Variants in DIP2C observed in about 807,000 individuals in gnomAD.
DIP2C encodes the protein disco-interacting protein 2 homolog C.
Under a neutral mutation model 192.4 loss-of-function variants are expected in DIP2C, and 33 were observed. The ratio of observed to expected loss-of-function variants is 0.17; its 90% CI spans 0.13 to 0.23. The LOEUF (loss-of-function observed/expected upper bound fraction) is 0.23. Ranked by LOEUF, DIP2C falls within the 10% of genes least tolerant of loss-of-function variation. The pLI is 1.00. For synonymous variants in DIP2C, 979 were observed against 864.1 expected (o/e 1.13, Z -2.33); for missense variants, 1,537 against 2,110.1 (o/e 0.73, Z 5.32).
chr10:570,910 A>AT (rs1849753907), intron 1 of DIP2C, among the ~76,000 whole-genome samples: 1 of 152,260 alleles, frequency 6.6e-6, no homozygotes, highest in Non-Finnish European at 1.5e-5. Context: ...CAACAGCAGC[A>AT]TCCCCCTCCT....
At chr10:645,254 C>A (rs913578714) in intron 1 of DIP2C, among the ~76,000 whole-genome samples, 2 of 152,174 alleles carry the variant, frequency 1.3e-5, no homozygotes, top group African/African-American at 4.8e-5. Flanking sequence ...GCCAAAACAG[C>A]CTCAGATCCA....
chr10:415,977 A>C, intron 6 of DIP2C, 89 bp from the exon 7 acceptor site: 2 of 1,553,112 alleles, frequency 1.3e-6, no homozygotes, highest in Non-Finnish European at 1.8e-6. Flanking sequence ...CCCCCTCCCC[A>C]GCGCGGCTAC....
intron 1 of DIP2C, among the ~76,000 whole-genome samples, chr10:673,172 A>G (rs1830729510): frequency 6.6e-6 from 1 of 152,154 alleles, no homozygotes; most frequent in African/African-American, 2.4e-5. Flanking sequence ...CGCCCACCCC[A>G]GAGGTGAGGC....
chr10:615,173 A>G (rs940462976), intron 1 of DIP2C, among the ~76,000 whole-genome samples: 1 of 152,250 alleles, frequency 6.6e-6, no homozygotes, highest in Non-Finnish European at 1.5e-5. Context: ...CTTCACTGTG[A>G]AAGTGCAGAG....
At chr10:367,295 T>C (rs975832637) in intron 18 of DIP2C, among the ~76,000 whole-genome samples, 8 of 151,720 alleles carry the variant, frequency 5.3e-5, no homozygotes, top group Admixed American at 1.3e-4. Context: ...CGGGCGCCTG[T>C]AGTCCCAGCT....
intron 24 of DIP2C, 143 bp from the exon 25 acceptor site, chr10:349,597 G>T: frequency 8.7e-7 from 1 of 1,142,880 alleles, no homozygotes; most frequent in Non-Finnish European, 1.2e-6. Context: ...CAACCAACAT[G>T]ACAGTCAATT....
intron 30 of DIP2C, among the ~76,000 whole-genome samples, 183 bp from the exon 31 acceptor site, chr10:327,359 A>C (rs1444285152): frequency 1.3e-5 from 2 of 152,220 alleles, no homozygotes; most frequent in South Asian, 2.1e-4. Context: ...AAACATTCAC[A>C]CAACTATTCA....
intron 2 of DIP2C, among the ~76,000 whole-genome samples, chr10:480,362 C>T (rs1843513668): frequency 6.6e-6 from 1 of 150,466 alleles, no homozygotes; most frequent in African/African-American, 2.5e-5. Context: ...CCAGCCTGAG[C>T]TCCGGTCCAT....
intron 32 of DIP2C, among the ~76,000 whole-genome samples, chr10:299,816 CCAAA>C (rs768836432): frequency 2.3e-4 from 35 of 152,068 alleles, no homozygotes; most frequent in South Asian, 6.3e-4. Flanking sequence ...TAAATGCAAA[CCAAA>C]CAAAGAAACC....
At chr10:572,398 T>C (rs1230034079) in intron 1 of DIP2C, among the ~76,000 whole-genome samples, 1 of 152,192 alleles carries the variant, frequency 6.6e-6, no homozygotes, top group Non-Finnish European at 1.5e-5. Flanking sequence ...GGTTGCATCT[T>C]TCCATCACGG....
chr10:409,597 G>A (rs1317990827), intron 8 of DIP2C, among the ~76,000 whole-genome samples: 6 of 152,246 alleles, frequency 3.9e-5, no homozygotes, highest in Non-Finnish European at 8.8e-5. Context: ...TTGTAGGGAG[G>A]AAAGTCCTCT....
At chr10:610,584 CAAAAAT>C (rs1335128644) in intron 1 of DIP2C, among the ~76,000 whole-genome samples, 2 of 152,102 alleles carry the variant, frequency 1.3e-5, no homozygotes, top group Non-Finnish European at 2.9e-5. Flanking sequence ...TCAACAAAAA[CAAAAAT>C]AAACCAATGA....
At chr10:683,395 G>A (rs775541077) in intron 1 of DIP2C, among the ~76,000 whole-genome samples, 1 of 152,208 alleles carries the variant, frequency 6.6e-6, no homozygotes, top group Non-Finnish European at 1.5e-5. Flanking sequence ...TACTTCTTTT[G>A]AGATGTAGCA....
At chr10:318,666 T>A (rs1372683890) in intron 31 of DIP2C, among the ~76,000 whole-genome samples, 2 of 152,202 alleles carry the variant, frequency 1.3e-5, no homozygotes, top group Non-Finnish European at 2.9e-5. Flanking sequence ...GAATATGGTT[T>A]CCATGATCCC....
chr10:368,570 C>G (rs1960578098), intron 18 of DIP2C, among the ~76,000 whole-genome samples: 1 of 152,210 alleles, frequency 6.6e-6, no homozygotes, highest in Non-Finnish European at 1.5e-5. Context: ...ACAGGCCGAA[C>G]AGAAAGGCGA....
rs192764361 is a variant in DIP2C, at chr10:603,720, A to C, written c.85+85774T>G. 1.3e-3 allele frequency among the ~76,000 whole-genome samples: 196 copies of C among 152,308 alleles called. 3 individuals are homozygous for C. Among genetic ancestry groups the C allele is most frequent in the East Asian group, 2.7e-3 (14 of 5,190 alleles). ...CAAAGGTCTGGAGGTGAATAGATACAATGCATTAACTTCCTATTGCTGCTG... is the reference window on the plus strand; with the variant it reads ...CAAAGGTCTGGAGGTGAATAGATACCATGCATTAACTTCCTATTGCTGCTG... On this transcript the variant is annotated intron_variant, in intron 1 of 36. Coordinates refer to ENST00000280886, the MANE Select transcript of DIP2C (RefSeq NM_014974.3).
At chr10:448,174 G>C (rs1217775277) in intron 3 of DIP2C, among the ~76,000 whole-genome samples, 1 of 104,704 alleles carries the variant, frequency 9.6e-6, no homozygotes, top group Non-Finnish European at 1.7e-5. Context: ...CACTCCCGTC[G>C]ATACTCAGGA....
At chr10:417,311 G>A (rs1315102430) in intron 6 of DIP2C, among the ~76,000 whole-genome samples, 4 of 152,126 alleles carry the variant, frequency 2.6e-5, no homozygotes, top group East Asian at 3.9e-4. Context: ...GCTATGACAC[G>A]CCGAGACAGC....
chr10:564,901 TTCTTC>T (rs781487952), intron 1 of DIP2C, among the ~76,000 whole-genome samples: 31 of 152,166 alleles, frequency 2.0e-4, no homozygotes, highest in Non-Finnish European at 4.3e-4. Context: ...GTAGAAATCT[TTCTTC>T]TCTGTGTTTG....
Sources: gnomAD v4.1 joint callset for allele counts (sites outside exome capture counted in the v4.1 genomes callset) on GRCh38, gnomAD v4.1.1 for gene constraint, MANE v1.5 for transcripts, NCBI Gene and HGNC (gene_info 2026-07-23, HGNC 2026-07-21) for gene names.